R3HDM2: variants seen among roughly 807,000 people sequenced by gnomAD.
R3HDM2 encodes the protein R3H domain containing 2.
A neutral mutation model predicts 124.5 loss-of-function variants in R3HDM2; 38 were observed. The observed-to-expected ratio is 0.31, with a 90% CI of 0.24 to 0.40. R3HDM2 has a LOEUF of 0.40. Ranked by LOEUF, R3HDM2 falls within the 10% of genes least tolerant of loss-of-function variation. R3HDM2 has a pLI of 1.00. For missense variants in R3HDM2, 869 were observed against 1,236.9 expected, an observed-to-expected ratio of 0.70 and a Z score of 4.46; for synonymous variants, 391 against 448.0, an observed-to-expected ratio of 0.87 and a Z score of 1.61.
chr12:57,345,501 AC>A (rs1451854505), intron 2 of R3HDM2, among the ~76,000 whole-genome samples: 2 of 220 alleles, frequency 9.1e-3, no homozygotes, highest in African/African-American at 0.013. Flanking sequence ...TTTCTTTTAT[AC>A]ACACACACAC....
At chr12:57,259,882 T>C (rs2137047708) in intron 19 of R3HDM2, among the ~76,000 whole-genome samples, 1 of 152,230 alleles carries the variant, frequency 6.6e-6, no homozygotes, top group South Asian at 2.1e-4. Flanking sequence ...CTGTAGGTGT[T>C]GGGAGACCTA....
intron 2 of R3HDM2, among the ~76,000 whole-genome samples, chr12:57,342,738 T>G (rs2059691855): frequency 6.6e-6 from 1 of 152,216 alleles, no homozygotes; most frequent in Non-Finnish European, 1.5e-5. Flanking sequence ...CTTACCTTTT[T>G]CTCACCTGCA....
At chr12:57,303,305 T>A in intron 3 of R3HDM2, 88 bp from the exon 4 acceptor site, 1 of 1,243,640 alleles carries the variant, frequency 8.0e-7, no homozygotes. Context: ...GAAAAAGCAC[T>A]AACTGTAAAA....
chr12:57,300,033 A>T, intron 5 of R3HDM2, 62 bp downstream of exon 5: 2 of 1,241,954 alleles, frequency 1.6e-6, no homozygotes, highest in African/African-American at 1.5e-5. Flanking sequence ...TGACTGCCAT[A>T]CTACATCTTA....
chr12:57,308,047 ATTT>A (rs762491267), intron 3 of R3HDM2, among the ~76,000 whole-genome samples: 1 of 134,692 alleles, frequency 7.4e-6, no homozygotes. Flanking sequence ...TTCCAGGTGA[ATTT>A]TTTTTTTTTT....
In R3HDM2 at chr12:57,307,719, C is replaced by T. The variant is rs139331838; in HGVS notation, c.165+2545G>A. Among the ~76,000 whole-genome samples the T allele has an allele frequency of 5.3e-5, 8 of 150,686 alleles. No homozygotes were observed. In the East Asian group the frequency reaches 1.6e-3, roughly 30 times the overall value. ...TTGACTCACTGCAACCTCTGCCTCC[C>T]GGGTTCAAGCATTCTCCTGCTTTAG... On this transcript the variant is annotated intron_variant, in intron 3 of 23. Transcript: ENST00000402412.
Position 57,258,919 on chromosome 12 carries a change from C to T in R3HDM2, c.2272G>A (p.Asp758Asn). Residue 758 changes from aspartate to asparagine, a missense_variant, in exon 20 of 24, where the codon GAC becomes AAC. Asp to Asn is a conservative substitution (Grantham distance 23, BLOSUM62 1). Coordinates refer to ENST00000402412, the MANE Select transcript of R3HDM2 (RefSeq NM_001394031.1). ...SMDQRGQKPG[D>N]LYSPDSSPQA... The stretch of plus-strand genomic sequence containing the variant: ...GGGCTGCTGTCAGGACTGTACAGGT[C>T]TCCAGGCTTCTGCCCCCGCTGGTCC... 1.2e-6 allele frequency: 2 copies of T among 1,610,398 alleles called. No individual in the cohort carries two copies. Among genetic ancestry groups the T allele is most frequent in the African/African-American group, 1.3e-5 (1 of 74,898 alleles).
At chr12:57,264,920 T>C (rs2041940517) in intron 19 of R3HDM2, among the ~76,000 whole-genome samples, 1 of 152,122 alleles carries the variant, frequency 6.6e-6, no homozygotes, top group Non-Finnish European at 1.5e-5. Flanking sequence ...TACAGGTGTG[T>C]ACCACTGCAC....
intron 2 of R3HDM2, among the ~76,000 whole-genome samples, chr12:57,380,227 C>G (rs1310276036): frequency 6.6e-6 from 1 of 152,150 alleles, no homozygotes; most frequent in Non-Finnish European, 1.5e-5. Context: ...TCCTATACAC[C>G]ATGACACTCT....
At chr12:57,388,645 T>C (rs988811179) in intron 2 of R3HDM2, among the ~76,000 whole-genome samples, 3 of 152,136 alleles carry the variant, frequency 2.0e-5, no homozygotes, top group African/African-American at 7.2e-5. Flanking sequence ...TTATGAGTTA[T>C]TTGCGCAGGA....
chr12:57,388,244 C>T (rs186324877), intron 2 of R3HDM2, among the ~76,000 whole-genome samples: 27 of 152,208 alleles, frequency 1.8e-4, no homozygotes, highest in African/African-American at 5.8e-4. Flanking sequence ...GGATTACAGG[C>T]GTGAGCCACC....
At chr12:57,403,443 G>T (rs1217954661) in intron 1 of R3HDM2, among the ~76,000 whole-genome samples, 1 of 150,322 alleles carries the variant, frequency 6.7e-6, no homozygotes, top group Non-Finnish European at 1.5e-5. Context: ...AGTGAGCCGA[G>T]ATCACACCAT....
At chr12:57,418,317 G>C (rs2069847670) in intron 1 of R3HDM2, 2 of 985,224 alleles carry the variant, frequency 2.0e-6, no homozygotes, top group Admixed American at 6.2e-5. Context: ...CTTCTGCGCA[G>C]AACATTTAGT....
rs137965898 is a variant in R3HDM2 at position 57,411,702 on chromosome 12, A to C, written c.-105-15884T>G. The stretch of plus-strand genomic sequence containing the variant: ...TGATATACCAGATCCCAATTCCAAG[A>C]CTAATACTATTTTGGACTTTCTAAA... On this transcript the variant is annotated intron_variant, in intron 1 of 23. Coordinates refer to ENST00000402412, the MANE Select transcript of R3HDM2 (RefSeq NM_001394031.1). 9.2e-5 allele frequency among the ~76,000 whole-genome samples: 14 copies of C among 152,296 alleles called. 1 individual carries two copies. The East Asian group carries it at 2.5e-3, about 27-fold the overall frequency.
chr12:57,420,339 A>G (rs1184512304), intron 1 of R3HDM2, among the ~76,000 whole-genome samples: 2 of 151,976 alleles, frequency 1.3e-5, no homozygotes, highest in African/African-American at 4.8e-5. Context: ...TTATTCCTCA[A>G]AATGTTATCA....
intron 2 of R3HDM2, among the ~76,000 whole-genome samples, chr12:57,359,679 G>T (rs1273155921): frequency 6.6e-6 from 1 of 152,082 alleles, no homozygotes; most frequent in Non-Finnish European, 1.5e-5. Flanking sequence ...TAGATTGTTT[G>T]TATTTAATGG....
rs374711910 is a variant in R3HDM2 at position 57,420,016 on chromosome 12, A to C, written c.-106+10704T>G. On this transcript the variant is annotated intron_variant, in intron 1 of 23. Transcript: ENST00000402412. ...ACAAGTAATATAAAGGTCATAAGGCAGAAACTCTCTCAAATTCCTTTGTTT... is the reference window on the plus strand; with the variant it reads ...ACAAGTAATATAAAGGTCATAAGGCCGAAACTCTCTCAAATTCCTTTGTTT... 4.6e-5 allele frequency among the ~76,000 whole-genome samples: 7 copies of C among 152,308 alleles called. No homozygotes were observed. In the South Asian group the frequency reaches 8.3e-4, roughly 18 times the overall value.
intron 2 of R3HDM2, among the ~76,000 whole-genome samples, chr12:57,365,796 C>A (rs1019741770): frequency 6.6e-6 from 1 of 151,822 alleles, no homozygotes; most frequent in Admixed American, 6.6e-5. Context: ...ATTAGCTGGG[C>A]GTGGTGGTAG....
chr12:57,310,283 C>A lies in R3HDM2; in HGVS notation c.146G>T (p.Ser49Ile). The change falls in exon 3 of 24, where the codon AGT becomes ATT. Residue 49 changes from serine (S) to isoleucine (I), a missense_variant. By Grantham distance (142) the Ser-to-Ile change is moderately radical. This residue lies in a region of R3HDM2 where 267 missense variants were observed against 447.7 expected (regional missense o/e 0.60). Transcript: ENST00000402412. ...EEIEKECEDT[S>I]LRQETQRRTS... ...CGTTACCTGTGTCTCCTGACGCAAA[C>A]TGGTATCTTCACATTCTTTCTCAAT... is the stretch of plus-strand genomic sequence containing the variant. 6.5e-7 allele frequency: 1 copy of A among 1,538,530 alleles called. No homozygotes were observed. Among genetic ancestry groups the A allele is most frequent in the Non-Finnish European group, 8.8e-7 (1 of 1,142,668 alleles).
Sources: allele counts gnomAD v4.1 joint callset (sites outside exome capture counted in the v4.1 genomes callset), GRCh38; gene constraint gnomAD v4.1.1; regional missense constraint gnomAD v4.1.1; transcripts MANE v1.5; gene names NCBI Gene and HGNC (gene_info 2026-07-23, HGNC 2026-07-21).